ABCC2: variants seen among roughly 807,000 people sequenced by gnomAD.
ABCC2 encodes ATP-binding cassette sub-family C member 2.
ABCC2 carries 157 observed loss-of-function variants against 173.4 expected under a neutral mutation model. The ratio of observed to expected loss-of-function variants is 0.91; its 90% CI spans 0.80 to 1.03. The LOEUF (loss-of-function observed/expected upper bound fraction) is 1.03, where lower values mean the gene tolerates loss of function less well. ABCC2 is among the 50% of genes least tolerant of loss of function. The pLI, the probability that ABCC2 is intolerant of heterozygous loss-of-function variation, is 0.00. For missense variants in ABCC2, 1,822 were observed against 1,852.3 expected, an observed-to-expected ratio of 0.98 and a Z score of 0.30; for synonymous variants, 657 against 693.5, an observed-to-expected ratio of 0.95 and a Z score of 0.83.
intron 3 of ABCC2, 145 bp downstream of exon 3, chr10:99,792,504 G>A: frequency 8.0e-7 from 1 of 1,256,048 alleles, no homozygotes; most frequent in Non-Finnish European, 1.1e-6. Flanking sequence ...TGGTTGGAAT[G>A]GGGTGAAACA....
At chr10:99,786,320 T>C (rs961256257) in intron 2 of ABCC2, among the ~76,000 whole-genome samples, 1 of 152,114 alleles carries the variant, frequency 6.6e-6, no homozygotes, top group Non-Finnish European at 1.5e-5. Flanking sequence ...GAAAGAAACA[T>C]ATGTTAGACT....
chr10:99,811,891 A>C (rs1207458661), intron 15 of ABCC2, among the ~76,000 whole-genome samples: 1 of 152,226 alleles, frequency 6.6e-6, no homozygotes, highest in Non-Finnish European at 1.5e-5. Flanking sequence ...GAGGTAGTGC[A>C]GCGTTGGCAG....
rs1275011230 is a variant in ABCC2, at chr10:99,846,959, A to G, written c.4147-2A>G. ...ACAGCCCCCTTGTCCTTTCACTTGC[A>G]GGACCCCATCCTGTTCTCTGGAAGC... On this transcript the variant is annotated splice_acceptor_variant, in intron 29 of 31. Transcript: ENST00000647814. LOFTEE classifies it high-confidence loss of function. 4 of 1,614,122 alleles carry G rather than the reference A, an allele frequency of 2.5e-6. No individual in the cohort carries two copies. Among genetic ancestry groups the G allele is most frequent in the African/African-American group, 1.3e-5 (1 of 75,038 alleles).
chr10:99,803,020 G>A (rs2038037880), intron 9 of ABCC2, among the ~76,000 whole-genome samples: 1 of 152,202 alleles, frequency 6.6e-6, no homozygotes, highest in Non-Finnish European at 1.5e-5. Context: ...CCAGGCTGGA[G>A]TGTAGTGGCA....
At chr10:99,835,880 C>T (rs562574922) in intron 24 of ABCC2, among the ~76,000 whole-genome samples, 1 of 152,340 alleles carries the variant, frequency 6.6e-6, no homozygotes, top group African/African-American at 2.4e-5. Flanking sequence ...TCACCCCACT[C>T]TGTTCCCCAC....
chr10:99,796,878 C>G (rs2037923118), intron 6 of ABCC2, among the ~76,000 whole-genome samples: 1 of 152,184 alleles, frequency 6.6e-6, no homozygotes, highest in South Asian at 2.1e-4. Flanking sequence ...TTTTAGCTGT[C>G]TTCCCCTTCT....
At position 99,850,582 on chromosome 10, in the gene ABCC2, G is replaced by T; in HGVS notation, c.4314-20G>T. 1 of 1,613,466 alleles carries T rather than the reference G, an allele frequency of 6.2e-7. No individual in the cohort carries two copies. Among genetic ancestry groups the T allele is most frequent in the Non-Finnish European group, 8.5e-7 (1 of 1,179,584 alleles). On this transcript the variant is annotated intron_variant, in intron 30 of 31. Coordinates refer to ENST00000647814, the MANE Select transcript of ABCC2 (RefSeq NM_000392.5). The stretch of plus-strand genomic sequence containing the variant: ...CTTGGTCTTTAGGAGCTAACACATG[G>T]TTGCTTCTATTGGCTGCAGCATAGG...
chr10:99,783,321 G>T (rs1412252280), intron 1 of ABCC2, among the ~76,000 whole-genome samples: 2 of 152,128 alleles, frequency 1.3e-5, no homozygotes, highest in Non-Finnish European at 1.5e-5. Flanking sequence ...TTGAGTCTAG[G>T]GATGCAACTT....
chr10:99,820,257 G>A (rs1397255917), intron 19 of ABCC2, among the ~76,000 whole-genome samples: 4 of 152,180 alleles, frequency 2.6e-5, no homozygotes, highest in Non-Finnish European at 5.9e-5. Context: ...TGGGCATGGT[G>A]GCACATGCCT....
chr10:99,849,868 T>C (rs1214003885), intron 30 of ABCC2, among the ~76,000 whole-genome samples: 1 of 152,216 alleles, frequency 6.6e-6, no homozygotes, highest in East Asian at 1.9e-4. Flanking sequence ...TTCCTGAATA[T>C]TTCCTTCACA....
At chr10:99,786,620 A>G (rs755299045) in intron 2 of ABCC2, among the ~76,000 whole-genome samples, 2 of 152,230 alleles carry the variant, frequency 1.3e-5, no homozygotes, top group Non-Finnish European at 2.9e-5. Flanking sequence ...TAATCCCAAC[A>G]CTTTGGGAGG....
intron 25 of ABCC2, 139 bp from the exon 26 acceptor site, chr10:99,841,828 T>G (rs1481257756): frequency 1.8e-6 from 2 of 1,099,422 alleles, no homozygotes; most frequent in South Asian, 2.7e-5. Context: ...ATGGTGTTTC[T>G]AAGTCAAATT....
rs2038059777 is a variant in ABCC2 at position 99,804,194 on chromosome 10, C to T, written c.1385C>T (p.Ser462Leu). ...IFFLWRELGP[S>L]VLAGVGVMVL... is the part of the protein sequence containing the mutation. ...TTCCTATGGAGAGAGTTGGGACCCTCAGTCTTAGCAGGTGTTGGGGTGATG... is the reference window on the plus strand; with the variant it reads ...TTCCTATGGAGAGAGTTGGGACCCTTAGTCTTAGCAGGTGTTGGGGTGATG... The change falls in exon 10 of 32, where the codon TCA (serine) becomes TTA (leucine). Residue 462 changes from serine to leucine, a missense_variant. Physicochemically the swap from Ser to Leu is moderately radical, Grantham distance 145. Coordinates refer to ENST00000647814, the MANE Select transcript of ABCC2 (RefSeq NM_000392.5). 6.2e-7 allele frequency: 1 copy of T among 1,614,134 alleles called. No homozygotes were observed. The highest frequency in any genetic ancestry group is 2.2e-5 in the East Asian group (1 of 44,880).
At chr10:99,824,346 G>A (rs1334987483) in intron 19 of ABCC2, among the ~76,000 whole-genome samples, 1 of 148,836 alleles carries the variant, frequency 6.7e-6, no homozygotes, top group Non-Finnish European at 1.5e-5. Flanking sequence ...ATGAAAAGGA[G>A]TAGAGGTTTG....
rs2038142143 is a variant in ABCC2 at position 99,807,991 on chromosome 10, C to A, written c.1669-92C>A. The A allele has an allele frequency of 2.7e-6, 4 of 1,503,466 alleles. No homozygotes were observed. The East Asian group carries it at 9.0e-5, about 34-fold the overall frequency. 93.1% of individuals were successfully genotyped at this position (1,503,466 alleles called of 1,614,324 possible). ...GGAGGCTGGATGATCCTTAAGGCGC[C>A]TTCAACTCTGATATATGGTGTTCCT... On this transcript the variant is annotated intron_variant, in intron 12 of 31. Transcript: ENST00000647814.
rs192473815 is a variant in ABCC2 at position 99,788,030 on chromosome 10, G to A, written c.207+3249G>A. ...TGCAGTGAGCCATGTTCACACCACT[G>A]CACTTCAGCCTGGGCGACAGAGGTA... On this transcript the variant is annotated intron_variant, in intron 2 of 31. Coordinates refer to ENST00000647814, the MANE Select transcript of ABCC2 (RefSeq NM_000392.5). Among the ~76,000 whole-genome samples, 8 of 151,594 alleles carry A rather than the reference G, an allele frequency of 5.3e-5. No homozygotes were observed. In the East Asian group the frequency reaches 1.4e-3, roughly 26 times the overall value.
rs1564683389 is a variant in ABCC2 at position 99,814,176 on chromosome 10, C to CAT, written c.2094+1033_2094+1034dup. Among the ~76,000 whole-genome samples, 90 of 96,104 alleles carry CAT rather than the reference C, an allele frequency of 9.4e-4. 5 individuals carry two copies. The highest frequency in any genetic ancestry group is 3.3e-3 in the African/African-American group (80 of 24,434). The allele number at this position is 96,104 out of a possible 152,430, so 63.0% of individuals were successfully genotyped here. A position where few individuals can be genotyped will look rare whatever the true frequency, so the allele number is the denominator to read the frequency against. On this transcript the variant is annotated intron_variant, in intron 16 of 31. Transcript: ENST00000647814. ...ATGTATACACACGTATATATACACACATGTATGTATACACACATGTGTATA... is the reference window on the plus strand; with the variant it reads ...ATGTATACACACGTATATATACACACATATGTATGTATACACACATGTGTATA...
intron 13 of ABCC2, among the ~76,000 whole-genome samples, chr10:99,808,764 G>A (rs774499328): frequency 6.6e-6 from 1 of 152,146 alleles, no homozygotes; most frequent in Non-Finnish European, 1.5e-5. Context: ...ACTGATATGC[G>A]ACAAGTACCA....
intron 6 of ABCC2, among the ~76,000 whole-genome samples, chr10:99,796,517 A>G (rs2037914165): frequency 1.3e-5 from 2 of 152,122 alleles, no homozygotes; most frequent in South Asian, 2.1e-4. Flanking sequence ...AGAAACAAAA[A>G]AAGAAGAAGA....
Sources: allele counts gnomAD v4.1 joint callset (sites outside exome capture counted in the v4.1 genomes callset), GRCh38; gene constraint gnomAD v4.1.1; transcripts MANE v1.5; gene names NCBI Gene and HGNC (gene_info 2026-07-23, HGNC 2026-07-21).